The following NAT8L variants were observed in gnomAD, a reference collection of about 807,000 sequenced individuals.
The protein encoded by NAT8L is N-acetylaspartate synthetase.
NAT8L carries 6 observed loss-of-function variants against 21.2 expected under a neutral mutation model. That is an observed-to-expected ratio of 0.28 (90% CI 0.16 to 0.56). The LOEUF (loss-of-function observed/expected upper bound fraction) is 0.56. Ranked by LOEUF, NAT8L falls within the 20% of genes least tolerant of loss-of-function variation. NAT8L has a pLI of 0.93. For synonymous variants in NAT8L, 239 were observed against 204.9 expected, an observed-to-expected ratio of 1.17 and a Z score of -1.42; for missense variants, 331 against 433.3, an observed-to-expected ratio of 0.76 and a Z score of 2.10.
Position 2,064,870 on chromosome 4 carries a change from G to A in NAT8L, c.*743G>A, listed in dbSNP as rs1469990987. The A allele has an allele frequency of 2.0e-5, 3 of 152,578 alleles. No individual in the cohort carries two copies. Among genetic ancestry groups the A allele is most frequent in the African/African-American group, 4.8e-5 (2 of 41,470 alleles). 9.5% of individuals were successfully genotyped at this position (152,578 alleles called of 1,614,324 possible). ...CACCCAGGTGACTCCCATGGCGTCCGTGGCACAGCCAGGGTGGGGGTCCAT... is the reference window on the plus strand; with the variant it reads ...CACCCAGGTGACTCCCATGGCGTCCATGGCACAGCCAGGGTGGGGGTCCAT... On this transcript the variant is annotated 3_prime_UTR_variant, in exon 3 of 3. Coordinates refer to ENST00000423729, the MANE Select transcript of NAT8L (RefSeq NM_178557.4).
chr4:2,061,270 C>T lies in NAT8L; in HGVS notation c.541+108C>T, dbSNP rs190005075. 125 of 1,530,412 alleles carry T rather than the reference C, an allele frequency of 8.2e-5. No individual in the cohort carries two copies. The African/African-American group carries it at 1.6e-3, about 19-fold the overall frequency. 94.8% of individuals were successfully genotyped at this position (1,530,412 alleles called of 1,614,324 possible). A position where few individuals can be genotyped will look rare whatever the true frequency, so the allele number is the denominator to read the frequency against. On this transcript the variant is annotated intron_variant, in intron 2 of 2. Coordinates refer to ENST00000423729, the MANE Select transcript of NAT8L (RefSeq NM_178557.4). Reference sequence around the variant, plus strand: ...TGGGCGAGGGCCGGCGTGGGTGGGCCTGAGCCGGGGCCCCTGTGACCTGAG... The same window carrying T: ...TGGGCGAGGGCCGGCGTGGGTGGGCTTGAGCCGGGGCCCCTGTGACCTGAG...
rs111911639 is a variant in NAT8L at position 2,062,298 on chromosome 4, A to G, written c.541+1136A>G. Among the ~76,000 whole-genome samples, 630 of 152,136 alleles carry G rather than the reference A, an allele frequency of 4.1e-3. 1 individual carries two copies. The highest frequency in any genetic ancestry group is 7.1e-3 in the Non-Finnish European group (481 of 67,962). On this transcript the variant is annotated intron_variant, in intron 2 of 2. Coordinates refer to ENST00000423729, the MANE Select transcript of NAT8L (RefSeq NM_178557.4). ...GGGAAACCGAGTCTTGGGAGGAGTGAGGTGTGCCCAGGGCCACATGGTGCT... is the reference window on the plus strand; with the variant it reads ...GGGAAACCGAGTCTTGGGAGGAGTGGGGTGTGCCCAGGGCCACATGGTGCT...
At position 2,067,259 on chromosome 4, in the gene NAT8L, G is replaced by C. The variant is rs372079209; in HGVS notation, c.*3132G>C. The stretch of plus-strand genomic sequence containing the variant: ...TTGCTTCCGGCTGGTGGCATGCCTT[G>C]GGGCCGGGCAGCAGGTGAGAAGCTG... On this transcript the variant is annotated 3_prime_UTR_variant, in exon 3 of 3. Transcript: ENST00000423729. 3 of 152,544 alleles carry C rather than the reference G, an allele frequency of 2.0e-5. No homozygotes were observed. The East Asian group carries it at 5.8e-4, about 29-fold the overall frequency. The allele number at this position is 152,544 out of a possible 1,614,324, so 9.4% of individuals were successfully genotyped here.
chr4:2,060,953 C>T lies in NAT8L; in HGVS notation c.377-45C>T, dbSNP rs1281670063. 9.1e-6 allele frequency: 11 copies of T among 1,205,806 alleles called. No individual in the cohort carries two copies. Among genetic ancestry groups the T allele is most frequent in the South Asian group, 1.5e-5 (1 of 68,272 alleles). The allele number at this position is 1,205,806 out of a possible 1,614,324, so 74.7% of individuals were successfully genotyped here. On this transcript the variant is annotated intron_variant, in intron 1 of 2. Transcript: ENST00000423729. The surrounding 1 kb of genome is among the most constrained non-coding windows in gnomAD (Gnocchi z 4.7). ...TTCGCCGGGGTGGCGTCTCTGGGGC[C>T]TGGGGACCCCCGCCGCGCCGCTGAC...
In NAT8L at chr4:2,060,200, C is replaced by T. The variant is rs543299562; in HGVS notation, c.376+313C>T. 4.6e-5 allele frequency among the ~76,000 whole-genome samples: 7 copies of T among 152,136 alleles called. No homozygotes were observed. The highest frequency in any genetic ancestry group is 1.2e-4 in the African/African-American group (5 of 41,544). ...GGCGGGTGCCAGGGCAGGTAGCGCC[C>T]GCCGCGGCTGGGCCCCGGCGAGTGC... On this transcript the variant is annotated intron_variant, in intron 1 of 2. Transcript: ENST00000423729. The surrounding 1 kb of genome is among the most constrained non-coding windows in gnomAD (Gnocchi z 4.7).
intron 2 of NAT8L, 65 bp from the exon 3 acceptor site, chr4:2,063,695 C>T: frequency 2.5e-6 from 4 of 1,600,350 alleles, no homozygotes; most frequent in Non-Finnish European, 3.4e-6. Context: ...CTGTCTCACC[C>T]CAGAGGTGGA....
chr4:2,059,878 C>A lies in NAT8L; in HGVS notation c.367C>A (p.Leu123Met). The change falls in exon 1 of 3, where the codon CTG (leucine) becomes ATG (methionine). Residue 123 changes from leucine (L) to methionine (M), a missense_variant. Physicochemically the swap from Leu to Met is conservative, Grantham distance 15. This residue lies in a region of NAT8L where 199 missense variants were observed against 196.1 expected (regional missense o/e 1.01). Transcript: ENST00000423729. The surrounding 1 kb of genome is among the most constrained non-coding windows in gnomAD (Gnocchi z 4.8). ...CCCGCGCGCGCAGCTGCTCTACGCC[C>A]TGCTGGCGGGTCAGTGCGCCGGGCC... ...QHPRAQLLYA[L>M]LAALCFAVSR... The A allele has an allele frequency of 7.5e-7, 1 of 1,339,406 alleles. No individual in the cohort carries two copies. The highest frequency in any genetic ancestry group is 9.7e-7 in the Non-Finnish European group (1 of 1,032,958). 83.0% of individuals were successfully genotyped at this position (1,339,406 alleles called of 1,614,324 possible).
chr4:2,063,669 G>A (rs150031192), intron 2 of NAT8L, 91 bp from the exon 3 acceptor site: 7 of 1,594,384 alleles, frequency 4.4e-6, no homozygotes, highest in Middle Eastern at 2.2e-4. Flanking sequence ...AGCTGGAGGG[G>A]GCAGTGCCAA....
In NAT8L at chr4:2,064,155, CG is replaced by C; in HGVS notation, c.*30del. On this transcript the variant is annotated 3_prime_UTR_variant, in exon 3 of 3. Transcript: ENST00000423729. ...GCCGCCGCTCGCCCGCCCGCCCCCC[CG>C]GCCGCCCTGTCCGCCTTTGCCCGCC... The C allele has an allele frequency of 6.7e-6, 10 of 1,484,360 alleles. No individual in the cohort carries two copies. The highest frequency in any genetic ancestry group is 8.1e-6 in the Non-Finnish European group (9 of 1,117,570). The allele number at this position is 1,484,360 out of a possible 1,614,324, so 91.9% of individuals were successfully genotyped here.
At position 2,061,157 on chromosome 4, in the gene NAT8L, C is replaced by T. The variant is rs1729850244; in HGVS notation, c.536C>T (p.Pro179Leu). 4 of 1,610,376 alleles carry T rather than the reference C, an allele frequency of 2.5e-6. No individual in the cohort carries two copies. Among genetic ancestry groups the T allele is most frequent in the African/African-American group, 2.7e-5 (2 of 74,866 alleles). The change falls in exon 2 of 3, where the codon CCG (proline) becomes CTG (leucine). Residue 179 changes from proline (P) to leucine (L), a missense_variant. Pro to Leu is a moderately conservative substitution (Grantham distance 98, BLOSUM62 -3). Transcript: ENST00000423729. ...GACATCGAGCAGTACTACATGAAGCCGCCCGGTGAGTCCCGCTCCCGCCGC... is the reference window on the plus strand; with the variant it reads ...GACATCGAGCAGTACTACATGAAGCTGCCCGGTGAGTCCCGCTCCCGCCGC... ...MADIEQYYMK[P>L]PGSCFWVAVL... is the part of the protein sequence containing the mutation.
chr4:2,059,904 C>CTCGGTGCTAATTTATGAGGGGAAGACAG lies in NAT8L; in HGVS notation c.376+17_376+18insTCGGTGCTAATTTATGAGGGGAAGACAG. 7.9e-7 allele frequency: 1 copy of CTCGGTGCTAATTTATGAGGGGAAGACAG among 1,264,252 alleles called. No individual in the cohort carries two copies. Among genetic ancestry groups the CTCGGTGCTAATTTATGAGGGGAAGACAG allele is most frequent in the Non-Finnish European group, 1.0e-6 (1 of 995,158 alleles). 78.3% of individuals were successfully genotyped at this position (1,264,252 alleles called of 1,614,324 possible). A position where few individuals can be genotyped will look rare whatever the true frequency, so the allele number is the denominator to read the frequency against. ...TGCTGGCGGGTCAGTGCGCCGGGCC[C>CTCGGTGCTAATTTATGAGGGGAAGACAG]CCGGCTGCCGCAGTCCCTCGGGCCG... On this transcript the variant is annotated intron_variant, in intron 1 of 2. Coordinates refer to ENST00000423729, the MANE Select transcript of NAT8L (RefSeq NM_178557.4). The surrounding 1 kb of genome is among the most constrained non-coding windows in gnomAD (Gnocchi z 4.8).
At chr4:2,063,253 G>T (rs1167904934) in intron 2 of NAT8L, among the ~76,000 whole-genome samples, 1 of 152,286 alleles carries the variant, frequency 6.6e-6, no homozygotes. Flanking sequence ...GGAGTTTGCC[G>T]TGATGGCCCG....
chr4:2,064,140 G>GGCCGCCCCC lies in NAT8L; in HGVS notation c.*13_*14insGCCGCCCCC. On this transcript the variant is annotated 3_prime_UTR_variant, in exon 3 of 3. Transcript: ENST00000423729. ...GCGCGAGGAGTGACCGCCGCCGCTC[G>GGCCGCCCCC]CCCGCCCGCCCCCCCGGCCGCCCTG... The GGCCGCCCCC allele has an allele frequency of 6.6e-7, 1 of 1,520,728 alleles. No homozygotes were observed. The highest frequency in any genetic ancestry group is 8.8e-7 in the Non-Finnish European group (1 of 1,136,824). The allele number at this position is 1,520,728 out of a possible 1,614,324, so 94.2% of individuals were successfully genotyped here. A position where few individuals can be genotyped will look rare whatever the true frequency, so the allele number is the denominator to read the frequency against.
At position 2,059,959 on chromosome 4, in the gene NAT8L, G is replaced by T. The variant is rs924440575; in HGVS notation, c.376+72G>T. 6 of 906,856 alleles carry T rather than the reference G, an allele frequency of 6.6e-6. No homozygotes were observed. The African/African-American group carries it at 1.1e-4, about 16-fold the overall frequency. The allele number at this position is 906,856 out of a possible 1,614,324, so 56.2% of individuals were successfully genotyped here. On this transcript the variant is annotated intron_variant, in intron 1 of 2. Coordinates refer to ENST00000423729, the MANE Select transcript of NAT8L (RefSeq NM_178557.4). The surrounding 1 kb of genome is among the most constrained non-coding windows in gnomAD (Gnocchi z 4.8). Reference sequence around the variant, plus strand: ...GGAGCTCCCCCGCCCCGGCGTCCACGCGGACCCCGCGCCCGGCTCCCGGGG... The same window carrying T: ...GGAGCTCCCCCGCCCCGGCGTCCACTCGGACCCCGCGCCCGGCTCCCGGGG...
Position 2,059,784 on chromosome 4 carries a change from G to A in NAT8L, c.273G>A (p.Ala91=). 7.3e-7 allele frequency: 1 copy of A among 1,363,748 alleles called. No homozygotes were observed. Among genetic ancestry groups the A allele is most frequent in the Non-Finnish European group, 9.5e-7 (1 of 1,047,432 alleles). The allele number at this position is 1,363,748 out of a possible 1,614,324, so 84.5% of individuals were successfully genotyped here. The change falls in exon 1 of 3, where the codon GCG becomes GCA. Residue 91 remains alanine (A), a synonymous_variant. Coordinates refer to ENST00000423729, the MANE Select transcript of NAT8L (RefSeq NM_178557.4). The surrounding 1 kb of genome is among the most constrained non-coding windows in gnomAD (Gnocchi z 4.8). Reference sequence around the variant, plus strand: ...TCCGTGCGGCCGAGCAGGAGGCGGCGCGCCGCATCTTCTACGACGGCATCA... The same window carrying A: ...TCCGTGCGGCCGAGCAGGAGGCGGCACGCCGCATCTTCTACGACGGCATCA... The part of the protein sequence containing the change: ...REFRAAEQEA[A]RRIFYDGIME...
At chr4:2,062,622 C>A (rs1014933407) in intron 2 of NAT8L, among the ~76,000 whole-genome samples, 4 of 152,174 alleles carry the variant, frequency 2.6e-5, no homozygotes, top group East Asian at 1.9e-4. Flanking sequence ...GTGGCTCCCC[C>A]CCACGCTGCT....
intron 2 of NAT8L, among the ~76,000 whole-genome samples, chr4:2,063,451 C>A (rs957585260): frequency 6.6e-6 from 1 of 152,262 alleles, no homozygotes; most frequent in Non-Finnish European, 1.5e-5. Context: ...CTCTGAGCAG[C>A]GCAGCCTCCA....
rs1026648295 is a variant in NAT8L, at chr4:2,064,279, G to C, written c.*152G>C. ...CCTGCGGTTGTCTGGCTGGTTCCGG[G>C]GGGTGCGGGGCTGTTGTTCTTCGGC... On this transcript the variant is annotated 3_prime_UTR_variant, in exon 3 of 3. Transcript: ENST00000423729. 1 of 418,488 alleles carries C rather than the reference G, an allele frequency of 2.4e-6. No individual in the cohort carries two copies. Among genetic ancestry groups the C allele is most frequent in the East Asian group, 7.4e-5 (1 of 13,436 alleles). The allele number at this position is 418,488 out of a possible 1,614,324, so 25.9% of individuals were successfully genotyped here. A position where few individuals can be genotyped will look rare whatever the true frequency, so the allele number is the denominator to read the frequency against.
intron 2 of NAT8L, among the ~76,000 whole-genome samples, chr4:2,063,252 C>T (rs540185628): frequency 1.4e-4 from 21 of 152,380 alleles, no homozygotes; most frequent in African/African-American, 4.8e-4. Flanking sequence ...TGGAGTTTGC[C>T]GTGATGGCCC....
Sources: allele counts gnomAD v4.1 joint callset (sites outside exome capture counted in the v4.1 genomes callset), GRCh38; gene constraint gnomAD v4.1.1; regional missense constraint gnomAD v4.1.1; non-coding constraint Gnocchi (gnomAD v3.1); transcripts MANE v1.5; gene names NCBI Gene and HGNC (gene_info 2026-07-23, HGNC 2026-07-21).